RBFOX1: variants seen among roughly 807,000 people sequenced by gnomAD.
The protein encoded by RBFOX1 is RNA binding protein fox-1 homolog 1.
In RBFOX1, 8 loss-of-function variants were observed where a neutral mutation model predicts 57.7. The ratio of observed to expected loss-of-function variants is 0.14; its 90% CI spans 0.08 to 0.25. The LOEUF (loss-of-function observed/expected upper bound fraction) is 0.25. Ranked by LOEUF, RBFOX1 falls within the 10% of genes least tolerant of loss-of-function variation. The probability of loss-of-function intolerance (pLI) is 1.00; values close to 1 mark genes in which losing one functional copy is unlikely to be tolerated. For synonymous variants in RBFOX1, 326 were observed against 222.4 expected, an observed-to-expected ratio of 1.47 and a Z score of -4.15; for missense variants, 611 against 548.5, an observed-to-expected ratio of 1.11 and a Z score of -1.14.
In RBFOX1 at chr16:7,537,615, C is replaced by G. The variant is rs112698665; in HGVS notation, c.270+19226C>G. 2.6e-5 allele frequency among the ~76,000 whole-genome samples: 4 copies of G among 152,292 alleles called. 1 individual carries two copies. The highest frequency in any genetic ancestry group is 9.6e-5 in the African/African-American group (4 of 41,552). On this transcript the variant is annotated intron_variant, in intron 5 of 15. Coordinates refer to ENST00000550418, the MANE Select transcript of RBFOX1 (RefSeq NM_018723.4). ...GTGAAGACATCGTAAAAAGATCTAC[C>G]TGGTTCTATGAGATGCATCCATCCT...
chr16:5,642,761 G>T (rs1231480563), intron 3 of RBFOX1, among the ~76,000 whole-genome samples: 1 of 152,126 alleles, frequency 6.6e-6, no homozygotes, highest in Non-Finnish European at 1.5e-5. Context: ...TGCCACAAAG[G>T]ACTGGTTTCC....
rs558741554 is a variant in RBFOX1, at chr16:5,782,248, C to T, written c.319-85055C>T. Among the ~76,000 whole-genome samples, 10 of 152,258 alleles carry T rather than the reference C, an allele frequency of 6.6e-5. No homozygotes were observed. In the South Asian group the frequency reaches 1.2e-3, roughly 19 times the overall value. On this transcript the variant is annotated intron_variant, in intron 3 of 19. Transcript: ENST00000641259. ...CTTACAGTTCTAGAGGCTGGGAAGT[C>T]CAAGATCAGGGTGTCAGCACGTTTG...
intron 1 of RBFOX1, among the ~76,000 whole-genome samples, chr16:5,386,116 T>C (rs2066248251): frequency 6.6e-6 from 1 of 152,058 alleles, no homozygotes; most frequent in Non-Finnish European, 1.5e-5. Flanking sequence ...TTTTTTTTTT[T>C]TTTGGAGGGG....
At chr16:5,816,193 A>G (rs2055627966) in intron 3 of RBFOX1, among the ~76,000 whole-genome samples, 1 of 152,180 alleles carries the variant, frequency 6.6e-6, no homozygotes, top group Middle Eastern at 3.2e-3. Context: ...CATCTCTGCT[A>G]CATCCTTAGG....
intron 3 of RBFOX1, among the ~76,000 whole-genome samples, chr16:6,802,054 G>C (rs986577140): frequency 6.6e-6 from 1 of 151,830 alleles, no homozygotes; most frequent in Non-Finnish European, 1.5e-5. Flanking sequence ...TGGAGGCCTG[G>C]GGAGTTTCTT....
chr16:5,360,529 C>T (rs940181190), intron 1 of RBFOX1, among the ~76,000 whole-genome samples: 1 of 152,200 alleles, frequency 6.6e-6, no homozygotes, highest in African/African-American at 2.4e-5. Context: ...TATCAGCTAC[C>T]TGGGCTGAGT....
intron 4 of RBFOX1, among the ~76,000 whole-genome samples, chr16:5,924,432 A>C (rs1252140384): frequency 6.6e-6 from 1 of 152,170 alleles, no homozygotes; most frequent in Non-Finnish European, 1.5e-5. Flanking sequence ...CCTCCCTGGC[A>C]GGGGAATGCG....
intron 1 of RBFOX1, among the ~76,000 whole-genome samples, chr16:5,352,052 C>T (rs969051457): frequency 2.6e-5 from 4 of 152,146 alleles, no homozygotes; most frequent in South Asian, 2.1e-4. Flanking sequence ...GTGATCCACC[C>T]GCCTCAGCCT....
intron 2 of RBFOX1, among the ~76,000 whole-genome samples, chr16:6,605,223 C>T (rs769661928): frequency 3.0e-4 from 46 of 151,682 alleles, no homozygotes; most frequent in Non-Finnish European, 5.7e-4. Flanking sequence ...CAGAGCAAGA[C>T]CCTCTCTCAA....
At chr16:7,660,959 C>T (rs2067573299) in intron 12 of RBFOX1, among the ~76,000 whole-genome samples, 1 of 152,116 alleles carries the variant, frequency 6.6e-6, no homozygotes, top group Admixed American at 6.5e-5. Context: ...TCTAAAGAGG[C>T]AATGATCATA....
chr16:7,582,823 C>G (rs187022057), intron 6 of RBFOX1, among the ~76,000 whole-genome samples: 133 of 152,298 alleles, frequency 8.7e-4, no homozygotes, highest in African/African-American at 3.0e-3. Context: ...CTTTTCCCCC[C>G]CTTTGTCTCT....
intron 4 of RBFOX1, among the ~76,000 whole-genome samples, chr16:7,065,150 A>C (rs1264126794): frequency 4.6e-5 from 7 of 152,156 alleles, no homozygotes; most frequent in Admixed American, 3.3e-4. Context: ...TTGTAACCTT[A>C]CCTAAATGAG....
intron 2 of RBFOX1, among the ~76,000 whole-genome samples, chr16:6,533,269 A>C (rs151044968): frequency 6.6e-6 from 1 of 152,246 alleles, no homozygotes; most frequent in Admixed American, 6.5e-5. Context: ...TAACCTATGC[A>C]CATGATAATT....
intron 3 of RBFOX1, among the ~76,000 whole-genome samples, chr16:6,761,885 T>C (rs2076661272): frequency 2.0e-5 from 3 of 152,074 alleles, no homozygotes; most frequent in Non-Finnish European, 4.4e-5. Context: ...GCAGGTACCT[T>C]CTTCCTCACT....
At chr16:7,508,247 G>A (rs541391650) in intron 4 of RBFOX1, among the ~76,000 whole-genome samples, 16 of 152,180 alleles carry the variant, frequency 1.1e-4, no homozygotes, top group African/African-American at 3.6e-4. Flanking sequence ...CTAAGTGCTG[G>A]GATTACAAGC....
chr16:6,848,413 A>G (rs6500855), intron 3 of RBFOX1, among the ~76,000 whole-genome samples: 73,070 of 151,966 alleles, frequency 0.48, 18,563 homozygotes, highest in African/African-American at 0.64. Context: ...AATGCTTTGC[A>G]TGCCAAACAA....
intron 3 of RBFOX1, among the ~76,000 whole-genome samples, chr16:5,697,907 G>A (rs938184043): frequency 6.6e-6 from 1 of 152,118 alleles, no homozygotes; most frequent in African/African-American, 2.4e-5. Context: ...GGTTAAGAAA[G>A]TTCCCTACTG....
chr16:5,840,324 T>C (rs2056587084), intron 3 of RBFOX1, among the ~76,000 whole-genome samples: 1 of 152,168 alleles, frequency 6.6e-6, no homozygotes, highest in African/African-American at 2.4e-5. Flanking sequence ...CACACAGCTC[T>C]TCTGAAGAGG....
chr16:6,486,507 C>T (rs1004195981), intron 2 of RBFOX1, among the ~76,000 whole-genome samples: 2 of 152,038 alleles, frequency 1.3e-5, no homozygotes, highest in African/African-American at 2.4e-5. Context: ...GTCTTAGTCT[C>T]AAAGTTATCA....
Sources: allele counts gnomAD v4.1 joint callset (sites outside exome capture counted in the v4.1 genomes callset), GRCh38; gene constraint gnomAD v4.1.1; transcripts MANE v1.5; gene names NCBI Gene and HGNC (gene_info 2026-07-23, HGNC 2026-07-21).